The following ADAMTS3 variants were observed in gnomAD, a reference collection of about 807,000 sequenced individuals.
ADAMTS3 encodes the protein ADAM metallopeptidase with thrombospondin type 1 motif 3, also known as A disintegrin and metalloproteinase with thrombospondin motifs 3.
In ADAMTS3, 73 loss-of-function variants were observed where a neutral mutation model predicts 129.0. That is an observed-to-expected ratio of 0.57 (90% confidence interval 0.47 to 0.69). The LOEUF (loss-of-function observed/expected upper bound fraction) is 0.69, where lower values mean the gene tolerates loss of function less well. Among genes scored for constraint, ADAMTS3 ranks in the 30% least tolerant of loss-of-function variants. ADAMTS3 has a pLI of 0.00. For missense variants in ADAMTS3, 1,457 were observed against 1,514.5 expected, an observed-to-expected ratio of 0.96 and a Z score of 0.63; for synonymous variants, 477 against 510.8, an observed-to-expected ratio of 0.93 and a Z score of 0.89.
intron 4 of ADAMTS3, among the ~76,000 whole-genome samples, chr4:72,381,157 AC>A (rs1165886840): frequency 6.6e-6 from 1 of 152,262 alleles, no homozygotes; most frequent in East Asian, 1.9e-4. Context: ...GGCTGTGTAG[AC>A]TGGGGTGTTA....
intron 21 of ADAMTS3, 55 bp from the exon 22 acceptor site, chr4:72,283,759 G>A (rs1718423532): frequency 1.3e-5 from 18 of 1,418,872 alleles, no homozygotes; most frequent in Non-Finnish European, 1.6e-5. Context: ...TAAAATAAAA[G>A]GAGGAAAAAA....
chr4:72,282,204 A>C lies in ADAMTS3; in HGVS notation c.*932T>G, dbSNP rs1419494511. 6.6e-6 allele frequency: 1 copy of C among 152,188 alleles called. No individual in the cohort carries two copies. The highest frequency in any genetic ancestry group is 1.5e-5 in the Non-Finnish European group (1 of 68,020). 9.4% of individuals were successfully genotyped at this position (152,188 alleles called of 1,614,324 possible). A position where few individuals can be genotyped will look rare whatever the true frequency, so the allele number is the denominator to read the frequency against. ...GTTTGTATCTGTCAACAATGCGAAA[A>C]TTAAAAAAGAACACACACACACAAA... On this transcript the variant is annotated 3_prime_UTR_variant, in exon 22 of 22. Coordinates refer to ENST00000286657, the MANE Select transcript of ADAMTS3 (RefSeq NM_014243.3).
chr4:72,378,382 C>T (rs142969861), intron 4 of ADAMTS3, among the ~76,000 whole-genome samples: 1 of 152,262 alleles, frequency 6.6e-6, no homozygotes, highest in African/African-American at 2.4e-5. Flanking sequence ...GGTTCAATTA[C>T]ACCTAAACAT....
chr4:72,463,923 GA>G (rs995189604), intron 3 of ADAMTS3, among the ~76,000 whole-genome samples: 1 of 151,866 alleles, frequency 6.6e-6, no homozygotes, highest in African/African-American at 2.4e-5. Flanking sequence ...CAGCCAAGCA[GA>G]CACAGCCAGC....
intron 2 of ADAMTS3, among the ~76,000 whole-genome samples, chr4:72,551,681 A>T (rs1721649347): frequency 6.6e-6 from 1 of 152,188 alleles, no homozygotes; most frequent in Admixed American, 6.5e-5. Flanking sequence ...TCTAATACTC[A>T]CAACAATCAC....
chr4:72,380,789 T>A (rs1389241741), intron 4 of ADAMTS3, among the ~76,000 whole-genome samples: 1 of 152,144 alleles, frequency 6.6e-6, no homozygotes, highest in Non-Finnish European at 1.5e-5. Context: ...TATAAAAAAA[T>A]GTGTAGCAGA....
intron 20 of ADAMTS3, 112 bp downstream of exon 20, chr4:72,290,743 C>A: frequency 1.8e-6 from 2 of 1,132,632 alleles, no homozygotes; most frequent in Non-Finnish European, 2.5e-6. Context: ...ACAAAATATG[C>A]AGTAGTTTCT....
At chr4:72,410,847 A>T (rs923117075) in intron 4 of ADAMTS3, among the ~76,000 whole-genome samples, 1 of 152,152 alleles carries the variant, frequency 6.6e-6, no homozygotes, top group Admixed American at 6.6e-5. Flanking sequence ...AAAAGAAGCA[A>T]ATTAAACATG....
chr4:72,355,308 C>T (rs921821528), intron 4 of ADAMTS3, among the ~76,000 whole-genome samples: 1 of 151,922 alleles, frequency 6.6e-6, no homozygotes, highest in African/African-American at 2.4e-5. Context: ...TTCAGCAGTT[C>T]CAAAGTACTT....
chr4:72,559,302 T>C lies in ADAMTS3; in HGVS notation c.97+8072A>G, dbSNP rs1249086054. On this transcript the variant is annotated intron_variant, in intron 2 of 21. Transcript: ENST00000286657. ...TGAAGGGAATTCCAACAAAATAAGG[T>C]GTAAGAAGTAAAAGAGTTGTATCTG... is the stretch of plus-strand genomic sequence containing the variant. Among the ~76,000 whole-genome samples the C allele has an allele frequency of 5.3e-5, 8 of 151,826 alleles. No homozygotes were observed. In the South Asian group the frequency reaches 1.0e-3, roughly 20 times the overall value.
chr4:72,319,587 TC>T lies in ADAMTS3; in HGVS notation c.1209-113del, dbSNP rs1166599644. On this transcript the variant is annotated intron_variant, in intron 8 of 21. Transcript: ENST00000286657. ...ACGTATTTTTGAGTCAACGTGGCTT[TC>T]TTGAAGAAGTCACAGAAACGGAAAT... The T allele has an allele frequency of 3.4e-5, 44 of 1,309,324 alleles. No homozygotes were observed. The South Asian group carries it at 6.2e-4, about 19-fold the overall frequency. The allele number at this position is 1,309,324 out of a possible 1,614,324, so 81.1% of individuals were successfully genotyped here.
intron 3 of ADAMTS3, among the ~76,000 whole-genome samples, chr4:72,445,959 C>A (rs897706531): frequency 6.6e-6 from 1 of 151,622 alleles, no homozygotes; most frequent in African/African-American, 2.4e-5. Context: ...ACATAGTAGC[C>A]AGGATGCTTT....
intron 21 of ADAMTS3, among the ~76,000 whole-genome samples, chr4:72,284,282 A>T (rs1363099423): frequency 6.6e-6 from 1 of 152,074 alleles, no homozygotes; most frequent in Non-Finnish European, 1.5e-5. Flanking sequence ...TCTCTACTAA[A>T]AATACAAAAA....
intron 3 of ADAMTS3, among the ~76,000 whole-genome samples, chr4:72,502,724 T>A (rs1720056734): frequency 6.6e-6 from 1 of 152,124 alleles, no homozygotes; most frequent in African/African-American, 2.4e-5. Context: ...CTAACTTCTT[T>A]TTATTATTAT....
intron 4 of ADAMTS3, among the ~76,000 whole-genome samples, chr4:72,396,002 C>A (rs1721715923): frequency 6.6e-6 from 1 of 152,136 alleles, no homozygotes. Flanking sequence ...AAACAACAGA[C>A]CCTGGGCCAT....
chr4:72,439,190 T>C (rs756533860), intron 3 of ADAMTS3, among the ~76,000 whole-genome samples: 4 of 151,746 alleles, frequency 2.6e-5, no homozygotes, highest in Non-Finnish European at 5.9e-5. Flanking sequence ...ACATTTATTT[T>C]TTATTTTTAA....
intron 3 of ADAMTS3, among the ~76,000 whole-genome samples, chr4:72,507,124 T>C (rs775058982): frequency 3.3e-5 from 5 of 152,224 alleles, no homozygotes; most frequent in Non-Finnish European, 5.9e-5. Flanking sequence ...TCTGCATATA[T>C]AAGTGTGTAT....
chr4:72,283,365 C>T lies in ADAMTS3; in HGVS notation c.3389G>A (p.Arg1130His), dbSNP rs527284540. 1.7e-4 allele frequency: 270 copies of T among 1,613,484 alleles called. No individual in the cohort carries two copies. Among genetic ancestry groups the T allele is most frequent in the Non-Finnish European group, 2.2e-4 (257 of 1,179,532 alleles). Residue 1130 changes from arginine to histidine, a missense_variant, in exon 22 of 22, where the codon CGC (arginine) becomes CAC (histidine). Transcript: ENST00000286657. The part of the protein sequence containing the change: ...PNSKPDGANL[R>H]QRSAQQAGSK... ...TCCTGCTTGCTGAGCACTCCTCTGG[C>T]GTAAATTAGCACCATCAGGTTTACT...
intron 3 of ADAMTS3, among the ~76,000 whole-genome samples, chr4:72,477,382 G>A (rs1719268953): frequency 6.6e-6 from 1 of 152,110 alleles, no homozygotes; most frequent in African/African-American, 2.4e-5. Context: ...TCAGGATTAA[G>A]AAACTCACTC....
Sources: allele counts gnomAD v4.1 joint callset (sites outside exome capture counted in the v4.1 genomes callset), GRCh38; gene constraint gnomAD v4.1.1; transcripts MANE v1.5; gene names NCBI Gene and HGNC (gene_info 2026-07-23, HGNC 2026-07-21).